The following SLC1A3 variants were observed in gnomAD, a reference collection of about 807,000 sequenced individuals.
SLC1A3 encodes the protein excitatory amino acid transporter 1.
In SLC1A3, 21 loss-of-function variants were observed where a neutral mutation model predicts 48.1. The observed-to-expected ratio is 0.44, with a 90% CI of 0.31 to 0.63. SLC1A3 has a LOEUF of 0.63. SLC1A3 is among the 20% of genes least tolerant of loss of function. SLC1A3 has a pLI of 0.08. For synonymous variants in SLC1A3, 239 were observed against 251.4 expected (o/e 0.95, Z 0.47); for missense variants, 546 against 689.0 (o/e 0.79, Z 2.32).
intron 3 of SLC1A3, chr5:36,668,587 A>C (rs1741856355): frequency 6.6e-6 from 1 of 152,326 alleles, no homozygotes; most frequent in South Asian, 2.1e-4. Context: ...AAAGAATAGC[A>C]GCTGTTACTT....
chr5:36,621,683 G>A (rs1163687353), intron 2 of SLC1A3, among the ~76,000 whole-genome samples: 1 of 152,184 alleles, frequency 6.6e-6, no homozygotes, highest in Non-Finnish European at 1.5e-5. Flanking sequence ...GGATCACACG[G>A]GGAGTTAAGG....
chr5:36,631,803 G>C (rs759318755), intron 3 of SLC1A3, among the ~76,000 whole-genome samples: 10 of 152,324 alleles, frequency 6.6e-5, no homozygotes, highest in Non-Finnish European at 7.4e-5. Context: ...TTATGGTTTT[G>C]AATACAATAA....
At chr5:36,669,514 C>T (rs1741898852) in intron 3 of SLC1A3, 3 of 152,144 alleles carry the variant, frequency 2.0e-5, no homozygotes. Context: ...TTACATAAGA[C>T]CCGAGTTCAA....
chr5:36,616,182 G>A (rs1162626525), intron 2 of SLC1A3, among the ~76,000 whole-genome samples: 2 of 152,050 alleles, frequency 1.3e-5, no homozygotes, highest in Non-Finnish European at 2.9e-5. Flanking sequence ...GTGACAGATA[G>A]AGACTCCATC....
At chr5:36,637,831 A>G (rs1740452955) in intron 3 of SLC1A3, among the ~76,000 whole-genome samples, 1 of 152,124 alleles carries the variant, frequency 6.6e-6, no homozygotes, top group Non-Finnish European at 1.5e-5. Flanking sequence ...GTCCCATCAG[A>G]TTAATTGCAC....
At chr5:36,680,796 G>C (rs1391257374) in intron 8 of SLC1A3, among the ~76,000 whole-genome samples, 1 of 151,928 alleles carries the variant, frequency 6.6e-6, no homozygotes, top group Non-Finnish European at 1.5e-5. Flanking sequence ...ACGGGCCTGT[G>C]GTCCCAGCTA....
At chr5:36,644,454 C>A (rs1046655722) in intron 3 of SLC1A3, among the ~76,000 whole-genome samples, 10 of 152,086 alleles carry the variant, frequency 6.6e-5, no homozygotes, top group Admixed American at 1.3e-4. Context: ...GAGTTTATTT[C>A]TTTAGTTGTA....
At chr5:36,601,067 G>C (rs540925686) in intron 1 of SLC1A3, among the ~76,000 whole-genome samples, 5 of 152,196 alleles carry the variant, frequency 3.3e-5, no homozygotes, top group Non-Finnish European at 5.9e-5. Context: ...GTCCAAATGC[G>C]AAATAGTTGC....
At chr5:36,643,950 G>C (rs1740729221) in intron 3 of SLC1A3, among the ~76,000 whole-genome samples, 1 of 151,592 alleles carries the variant, frequency 6.6e-6, no homozygotes, top group East Asian at 1.9e-4. Context: ...GCCAAGATTG[G>C]GCCATTGCAT....
chr5:36,668,619 G>C (rs375916333), intron 3 of SLC1A3: 1 of 152,148 alleles, frequency 6.6e-6, no homozygotes, highest in Non-Finnish European at 1.5e-5. Flanking sequence ...AAAGGATAAG[G>C]GCCAATATGC....
At chr5:36,617,441 CTATTT>C (rs1360022942) in intron 2 of SLC1A3, among the ~76,000 whole-genome samples, 3 of 74,540 alleles carry the variant, frequency 4.0e-5, no homozygotes, top group South Asian at 8.5e-4. Context: ...TTTTTTTGGC[CTATTT>C]TATTTTACTT....
At position 36,600,547 on chromosome 5, in the gene SLC1A3, C is replaced by T. The variant is rs148863146; in HGVS notation, c.-96+3869C>T. Reference sequence around the variant, plus strand: ...CCTGGGGTACGAGTCAACTAGTCATCCTGCGTTAATTCTATTTCAAGCAAG... The same window carrying T: ...CCTGGGGTACGAGTCAACTAGTCATTCTGCGTTAATTCTATTTCAAGCAAG... On this transcript the variant is annotated intron_variant, in intron 1 of 9. Coordinates refer to the SLC1A3 transcript ENST00000680318. 9.5e-4 allele frequency among the ~76,000 whole-genome samples: 144 copies of T among 152,262 alleles called. 3 individuals are homozygous for T. Among genetic ancestry groups the T allele is most frequent in the African/African-American group, 3.3e-3 (138 of 41,552 alleles).
intron 1 of SLC1A3, among the ~76,000 whole-genome samples, chr5:36,599,753 G>A (rs1738786882): frequency 6.6e-6 from 1 of 151,846 alleles, no homozygotes; most frequent in Non-Finnish European, 1.5e-5. Flanking sequence ...TGATCCACCC[G>A]CTTAGGCCTC....
At chr5:36,634,912 T>C (rs1740276917) in intron 3 of SLC1A3, among the ~76,000 whole-genome samples, 2 of 152,154 alleles carry the variant, frequency 1.3e-5, no homozygotes, top group South Asian at 4.1e-4. Flanking sequence ...ACAGTTACAG[T>C]AAGAGTGAAC....
chr5:36,608,633 C>A (rs776121724), intron 2 of SLC1A3, 29 bp downstream of exon 2: 63 of 1,581,168 alleles, frequency 4.0e-5, no homozygotes, highest in Non-Finnish European at 4.7e-5. Flanking sequence ...AACAAAAAAA[C>A]CTGTATCTTG....
intron 2 of SLC1A3, among the ~76,000 whole-genome samples, chr5:36,617,411 C>T (rs1250209173): frequency 1.0e-4 from 11 of 106,972 alleles, no homozygotes; most frequent in South Asian, 3.3e-4. Flanking sequence ...GAAAAGGTTG[C>T]GGGCTTTTTT....
chr5:36,608,081 T>C, intron 1 of SLC1A3: 1 of 253,436 alleles, frequency 3.9e-6, no homozygotes, highest in Non-Finnish European at 7.7e-6. Flanking sequence ...AACCCTTTTA[T>C]AGCCTCATTG....
At chr5:36,609,640 C>T (rs919040144) in intron 2 of SLC1A3, among the ~76,000 whole-genome samples, 1 of 152,136 alleles carries the variant, frequency 6.6e-6, no homozygotes, top group Non-Finnish European at 1.5e-5. Flanking sequence ...TGAAGTATAG[C>T]AGGAGAGTTT....
chr5:36,606,079 G>T (rs541517934), upstream of SLC1A3, among the ~76,000 whole-genome samples: 1 of 152,336 alleles, frequency 6.6e-6, no homozygotes, highest in East Asian at 1.9e-4. Context: ...TGAAATAGAG[G>T]CATGTCCCTA....
Sources: allele counts gnomAD v4.1 joint callset (sites outside exome capture counted in the v4.1 genomes callset), GRCh38; gene constraint gnomAD v4.1.1; transcripts MANE v1.5; gene names NCBI Gene and HGNC (gene_info 2026-07-23, HGNC 2026-07-21).